DNAAF9: variants seen among roughly 807,000 people sequenced by gnomAD.
The protein encoded by DNAAF9 is shulin.
A neutral mutation model predicts 167.0 loss-of-function variants in DNAAF9; 90 were observed. The observed-to-expected ratio is 0.54, with a 90% CI of 0.45 to 0.64. The LOEUF is 0.64. DNAAF9 is among the 30% of genes least tolerant of loss of function. The pLI, the probability that DNAAF9 is intolerant of heterozygous loss-of-function variation, is 0.00. For synonymous variants in DNAAF9, 491 were observed against 508.8 expected, an observed-to-expected ratio of 0.96 and a Z score of 0.47; for missense variants, 1,315 against 1,442.2, an observed-to-expected ratio of 0.91 and a Z score of 1.43.
At chr20:3,320,369 A>C (rs952134653) in intron 16 of DNAAF9, among the ~76,000 whole-genome samples, 1 of 152,214 alleles carries the variant, frequency 6.6e-6, no homozygotes, top group Non-Finnish European at 1.5e-5. Flanking sequence ...TCTGGATAAG[A>C]GGACAGAATG....
Position 3,379,784 on chromosome 20 carries a change from G to C in DNAAF9, c.283+1595C>G, listed in dbSNP as rs116769373. Among the ~76,000 whole-genome samples the C allele has an allele frequency of 9.0e-3, 1,372 of 152,242 alleles. 20 individuals carry two copies. Among genetic ancestry groups the C allele is most frequent in the African/African-American group, 0.032 (1,317 of 41,534 alleles). ...CAGGTAAAAAGATAAAAACAGGCCA[G>C]GCGTGGTGGCTCACAGCTGTAATCT... On this transcript the variant is annotated intron_variant, in intron 3 of 36. Coordinates refer to ENST00000252032, the MANE Select transcript of DNAAF9 (RefSeq NM_001009984.3).
chr20:3,337,910 C>T (rs1234964877), intron 10 of DNAAF9, among the ~76,000 whole-genome samples: 2 of 149,958 alleles, frequency 1.3e-5, no homozygotes, highest in African/African-American at 4.9e-5. Context: ...ATTTTATCTT[C>T]ATTTATTCCT....
At chr20:3,341,502 C>T (rs574926350) in intron 9 of DNAAF9, among the ~76,000 whole-genome samples, 2 of 152,328 alleles carry the variant, frequency 1.3e-5, no homozygotes, top group Non-Finnish European at 2.9e-5. Flanking sequence ...ATGTCTGCTC[C>T]CCTTCCAGTT....
At chr20:3,333,246 C>G (rs575107453) in intron 10 of DNAAF9, among the ~76,000 whole-genome samples, 1 of 152,262 alleles carries the variant, frequency 6.6e-6, no homozygotes, top group African/African-American at 2.4e-5. Flanking sequence ...TATTCTTCTT[C>G]CCTGTTAAGA....
chr20:3,278,848 G>A, intron 29 of DNAAF9, 64 bp downstream of exon 29: 1 of 1,193,392 alleles, frequency 8.4e-7, no homozygotes, highest in Non-Finnish European at 1.3e-6. Flanking sequence ...ACGAAGAAAA[G>A]TCTATTGCTG....
chr20:3,342,805 G>A (rs1334188993), intron 9 of DNAAF9, among the ~76,000 whole-genome samples: 2 of 152,250 alleles, frequency 1.3e-5, no homozygotes, highest in African/African-American at 4.8e-5. Flanking sequence ...CTATCCATCA[G>A]AGGAAGTATC....
intron 10 of DNAAF9, among the ~76,000 whole-genome samples, chr20:3,337,115 G>A (rs2069972279): frequency 6.6e-6 from 1 of 151,604 alleles, no homozygotes; most frequent in Admixed American, 6.6e-5. Context: ...TCCTGACCTC[G>A]TGATCTGCCC....
At chr20:3,394,987 A>C (rs1419184082) in intron 1 of DNAAF9, among the ~76,000 whole-genome samples, 2 of 40,680 alleles carry the variant, frequency 4.9e-5, no homozygotes, top group Non-Finnish European at 9.6e-5. Context: ...TTTTTTTTTG[A>C]GACGGAGTTT....
At chr20:3,310,245 AAC>A (rs1361584885) in intron 20 of DNAAF9, among the ~76,000 whole-genome samples, 1 of 151,058 alleles carries the variant, frequency 6.6e-6, no homozygotes, top group African/African-American at 2.4e-5. Flanking sequence ...AAGAGAGAGA[AAC>A]AGAGAGAGAG....
chr20:3,376,235 G>C lies in DNAAF9; in HGVS notation c.351C>G (p.Leu117=). ...LYCNPVNFRY[L]LPYVAHWRNL... ...TTCTCCAATGTGCCACATAAGGTAAGAGATAGCGAAAGTTTACAGGATTAC... is the reference window on the plus strand; with the variant it reads ...TTCTCCAATGTGCCACATAAGGTAACAGATAGCGAAAGTTTACAGGATTAC... Residue 117 remains leucine, a synonymous_variant, in exon 4 of 37, where the codon CTC becomes CTG. Transcript: ENST00000252032. The C allele has an allele frequency of 6.2e-7, 1 of 1,613,534 alleles. No homozygotes were observed. Among genetic ancestry groups the C allele is most frequent in the Non-Finnish European group, 8.5e-7 (1 of 1,179,562 alleles).
At chr20:3,277,788 G>C (rs2068697784) in intron 29 of DNAAF9, among the ~76,000 whole-genome samples, 1 of 152,172 alleles carries the variant, frequency 6.6e-6, no homozygotes, top group Non-Finnish European at 1.5e-5. Context: ...AGCTGGACCT[G>C]AGACTACCTG....
intron 10 of DNAAF9, among the ~76,000 whole-genome samples, chr20:3,338,730 G>T (rs890398699): frequency 6.9e-6 from 1 of 145,464 alleles, no homozygotes; most frequent in Non-Finnish European, 1.5e-5. Flanking sequence ...TCAGCTCACT[G>T]CAACCTCCGC....
chr20:3,333,919 A>C (rs1166864642), intron 10 of DNAAF9, among the ~76,000 whole-genome samples: 2 of 152,212 alleles, frequency 1.3e-5, no homozygotes, highest in Admixed American at 1.3e-4. Flanking sequence ...GATTGTCTTA[A>C]GTAGTTAAAA....
Position 3,397,342 on chromosome 20 carries a change from G to A in DNAAF9, c.83+10133C>T, listed in dbSNP as rs148659052. Among the ~76,000 whole-genome samples, 56 of 80,440 alleles carry A rather than the reference G, an allele frequency of 7.0e-4. No homozygotes were observed. In the East Asian group the frequency reaches 0.016, roughly 23 times the overall value. 52.8% of individuals were successfully genotyped at this position (80,440 alleles called of 152,430 possible). On this transcript the variant is annotated intron_variant, in intron 1 of 36. Coordinates refer to ENST00000252032, the MANE Select transcript of DNAAF9 (RefSeq NM_001009984.3). ...TGTTTTGTTTTTTGTTTTTTGAGAC[G>A]GAGTCTCGCTCAGTCACCCAGGCTG... is the stretch of plus-strand genomic sequence containing the variant.
At chr20:3,370,284 T>C (rs777733225) in intron 6 of DNAAF9, among the ~76,000 whole-genome samples, 4 of 152,216 alleles carry the variant, frequency 2.6e-5, no homozygotes, top group Non-Finnish European at 4.4e-5. Context: ...AGTGTCTCAC[T>C]CTGTTGCTCA....
At position 3,278,105 on chromosome 20, in the gene DNAAF9, GATA is replaced by G. The variant is rs2068702352; in HGVS notation, c.2650+804_2650+806del. ...TTATTCTGGACCTCCAAACATCACAGATAATATGACTAGAAAGTGCTGCTTCCA... is the reference window on the plus strand; with the variant it reads ...TTATTCTGGACCTCCAAACATCACAGATATGACTAGAAAGTGCTGCTTCCA... On this transcript the variant is annotated intron_variant, in intron 29 of 36. Coordinates refer to ENST00000252032, the MANE Select transcript of DNAAF9 (RefSeq NM_001009984.3). Among the ~76,000 whole-genome samples, 6 of 152,194 alleles carry G rather than the reference GATA, an allele frequency of 3.9e-5. No individual in the cohort carries two copies. The South Asian group carries it at 1.2e-3, about 32-fold the overall frequency.
intron 21 of DNAAF9, among the ~76,000 whole-genome samples, chr20:3,298,907 C>CTT (rs397865293): frequency 0.032 from 3,788 of 119,518 alleles, 148 homozygotes; most frequent in African/African-American, 0.04. Flanking sequence ...TGTTTTAGCT[C>CTT]TTTTTTTTTT....
intron 36 of DNAAF9, 115 bp downstream of exon 36, chr20:3,253,611 T>G (rs1240904319): frequency 4.3e-6 from 3 of 702,440 alleles, no homozygotes; most frequent in Admixed American, 4.2e-5. Flanking sequence ...ACATGCAGAG[T>G]GCTCCTGGGG....
Position 3,359,589 on chromosome 20 carries a change from T to G in DNAAF9, c.617A>C (p.Gln206Pro). Residue 206 changes from glutamine to proline, a missense_variant, in exon 7 of 37, where the codon CAG becomes CCG. Physicochemically the swap from Gln to Pro is moderately conservative, Grantham distance 76. Transcript: ENST00000252032. ...DGFFTMKYEL[Q>P]DVSLNLWNVY... ...ATTCCATAGATTCAAACTCACATCC[T>G]GCAACTGCAACAGAGGGCAAAAACA... 1 of 1,608,194 alleles carries G rather than the reference T, an allele frequency of 6.2e-7. No homozygotes were observed. The highest frequency in any genetic ancestry group is 8.5e-7 in the Non-Finnish European group (1 of 1,176,136).
Sources: allele counts gnomAD v4.1 joint callset (sites outside exome capture counted in the v4.1 genomes callset), GRCh38; gene constraint gnomAD v4.1.1; transcripts MANE v1.5; gene names NCBI Gene and HGNC (gene_info 2026-07-23, HGNC 2026-07-21).